NALCN: variants seen among roughly 807,000 people sequenced by gnomAD.
The protein encoded by NALCN is sodium leak channel NALCN.
In NALCN, 111 loss-of-function variants were observed where a neutral mutation model predicts 225.3. That is an observed-to-expected ratio of 0.49 (90% CI 0.42 to 0.58). The LOEUF is 0.58. Among genes scored for constraint, NALCN ranks in the 20% least tolerant of loss-of-function variants. NALCN has a pLI of 0.00. For missense variants in NALCN, 1,378 were observed against 2,202.4 expected (o/e 0.63, Z 7.49); for synonymous variants, 764 against 769.0 (o/e 0.99, Z 0.11).
intron 22 of NALCN, among the ~76,000 whole-genome samples, chr13:101,106,432 A>G (rs1308132296): frequency 6.6e-6 from 1 of 152,132 alleles, no homozygotes; most frequent in Non-Finnish European, 1.5e-5. Flanking sequence ...CATCAGGGAC[A>G]CTCCAACTAC....
chr13:101,093,234 G>C (rs983719201), intron 28 of NALCN, among the ~76,000 whole-genome samples: 2 of 152,190 alleles, frequency 1.3e-5, no homozygotes, highest in African/African-American at 4.8e-5. Context: ...AATCTGAAGA[G>C]AGAATATTGA....
intron 6 of NALCN, among the ~76,000 whole-genome samples, chr13:101,368,064 A>G (rs928710578): frequency 1.4e-4 from 22 of 151,796 alleles, no homozygotes; most frequent in Non-Finnish European, 2.5e-4. Context: ...CAGGTTAGTT[A>G]CATATGTATA....
chr13:101,334,916 A>C (rs2045328792), intron 7 of NALCN, among the ~76,000 whole-genome samples: 1 of 152,156 alleles, frequency 6.6e-6, no homozygotes, highest in African/African-American at 2.4e-5. Flanking sequence ...GGAGGGAGGG[A>C]ATTATATATG....
intron 10 of NALCN, among the ~76,000 whole-genome samples, chr13:101,274,717 G>C (rs1170033212): frequency 6.6e-6 from 1 of 152,116 alleles, no homozygotes; most frequent in Admixed American, 6.6e-5. Context: ...TAACTACGTG[G>C]TGTTTCTCTA....
intron 7 of NALCN, among the ~76,000 whole-genome samples, chr13:101,323,848 G>A (rs1374547368): frequency 6.6e-6 from 1 of 152,148 alleles, no homozygotes; most frequent in Non-Finnish European, 1.5e-5. Context: ...TGCACTGCCT[G>A]TCTGAAGACT....
intron 15 of NALCN, among the ~76,000 whole-genome samples, chr13:101,149,059 C>T (rs897428055): frequency 8.5e-5 from 13 of 152,074 alleles, no homozygotes; most frequent in Admixed American, 2.6e-4. Flanking sequence ...TTTGGGAGGC[C>T]GAGGTGGGCG....
intron 6 of NALCN, among the ~76,000 whole-genome samples, chr13:101,374,881 T>C (rs1566628575): frequency 1.3e-5 from 2 of 152,208 alleles, no homozygotes; most frequent in Non-Finnish European, 2.9e-5. Context: ...TATATAATTA[T>C]TAGGAGTTGC....
intron 15 of NALCN, among the ~76,000 whole-genome samples, chr13:101,156,950 T>C (rs1350928285): frequency 6.6e-6 from 1 of 152,186 alleles, no homozygotes; most frequent in Non-Finnish European, 1.5e-5. Context: ...AGTTTTTAAA[T>C]GTCTCCTATG....
chr13:101,077,460 G>T (rs1415454591), intron 34 of NALCN, among the ~76,000 whole-genome samples: 1 of 152,166 alleles, frequency 6.6e-6, no homozygotes, highest in African/African-American at 2.4e-5. Context: ...TATGGACAGT[G>T]AAGTCCAGGC....
At chr13:101,245,646 T>C (rs1476288524) in intron 11 of NALCN, among the ~76,000 whole-genome samples, 1 of 152,136 alleles carries the variant, frequency 6.6e-6, no homozygotes, top group Non-Finnish European at 1.5e-5. Context: ...CCGATATACC[T>C]GGTTTGATGT....
In NALCN at chr13:101,325,143, A is replaced by G. The variant is rs1230516512; in HGVS notation, c.799+20123T>C. ...CAGTTTGGAATACTATCAAAAGGCA[A>G]GCATCTTCCACATGAAACAGCACAT... On this transcript the variant is annotated intron_variant, in intron 7 of 43. Coordinates refer to ENST00000251127, the MANE Select transcript of NALCN (RefSeq NM_052867.4). Among the ~76,000 whole-genome samples the G allele has an allele frequency of 4.6e-5, 7 of 152,308 alleles. No homozygotes were observed. The East Asian group carries it at 1.4e-3, about 29-fold the overall frequency.
At chr13:101,247,238 G>T (rs1363387816) in intron 11 of NALCN, among the ~76,000 whole-genome samples, 1 of 152,178 alleles carries the variant, frequency 6.6e-6, no homozygotes, top group Admixed American at 6.5e-5. Flanking sequence ...ATAGGCAGCT[G>T]CAGGCCTCCA....
chr13:101,109,514 GA>G (rs1396281834), intron 20 of NALCN, among the ~76,000 whole-genome samples: 1 of 152,168 alleles, frequency 6.6e-6, no homozygotes, highest in Non-Finnish European at 1.5e-5. Context: ...GATAAGTGGT[GA>G]AAAAGAGAAA....
intron 17 of NALCN, among the ~76,000 whole-genome samples, chr13:101,139,395 T>C (rs911875538): frequency 4.6e-5 from 7 of 152,204 alleles, no homozygotes; most frequent in African/African-American, 1.7e-4. Context: ...CTATTTTCCC[T>C]GGAAAGAGAA....
chr13:101,176,435 T>G (rs1333206642), intron 14 of NALCN, 61 bp from the exon 15 acceptor site: 11 of 1,200,206 alleles, frequency 9.2e-6, no homozygotes, highest in Non-Finnish European at 1.3e-5. Flanking sequence ...AAATATTATA[T>G]GTATAATATA....
chr13:101,151,426 T>TA (rs1322183515), intron 15 of NALCN, among the ~76,000 whole-genome samples: 1 of 152,246 alleles, frequency 6.6e-6, no homozygotes, highest in Non-Finnish European at 1.5e-5. Flanking sequence ...GAAAACAATT[T>TA]AAAAAACATT....
intron 34 of NALCN, among the ~76,000 whole-genome samples, chr13:101,076,684 T>C (rs630022): frequency 0.046 from 7,041 of 152,242 alleles, 517 homozygotes; most frequent in African/African-American, 0.16. Flanking sequence ...CATAGCATCC[T>C]TGGATGGGGA....
intron 7 of NALCN, among the ~76,000 whole-genome samples, chr13:101,341,210 G>A (rs1057089474): frequency 2.6e-5 from 4 of 152,136 alleles, no homozygotes; most frequent in Non-Finnish European, 4.4e-5. Flanking sequence ...ACTAGCTCAT[G>A]ATAAGAAATT....
chr13:101,265,828 C>CAGTCA (rs1437295463), intron 10 of NALCN, among the ~76,000 whole-genome samples: 3 of 152,082 alleles, frequency 2.0e-5, no homozygotes, highest in Non-Finnish European at 4.4e-5. Context: ...TTGTATCAGA[C>CAGTCA]AGTCAAAATT....
Sources: allele counts gnomAD v4.1 joint callset (sites outside exome capture counted in the v4.1 genomes callset), GRCh38; gene constraint gnomAD v4.1.1; transcripts MANE v1.5; gene names NCBI Gene and HGNC (gene_info 2026-07-23, HGNC 2026-07-21).